The following LEKR1 variants were observed in gnomAD, a reference collection of about 807,000 sequenced individuals.
LEKR1 encodes the protein protein LEKR1.
LEKR1 carries 59 observed loss-of-function variants against 72.4 expected under a neutral mutation model. The observed-to-expected ratio is 0.82, with a 90% CI of 0.66 to 1.01. The LOEUF (loss-of-function observed/expected upper bound fraction) is 1.01. Ranked by LOEUF, LEKR1 falls within the 50% of genes least tolerant of loss-of-function variation. LEKR1 has a pLI of 0.00. For synonymous variants in LEKR1, 257 were observed against 263.2 expected (o/e 0.98, Z 0.23); for missense variants, 728 against 759.2 (o/e 0.96, Z 0.48).
At chr3:156,862,229 T>C (rs1364891239) in intron 3 of LEKR1, among the ~76,000 whole-genome samples, 1 of 152,090 alleles carries the variant, frequency 6.6e-6, no homozygotes, top group African/African-American at 2.4e-5. Flanking sequence ...ATTCTTTTTC[T>C]CCCAAAGCTT....
intron 12 of LEKR1, among the ~76,000 whole-genome samples, chr3:157,031,298 G>A (rs1734590601): frequency 1.3e-5 from 2 of 152,096 alleles, no homozygotes; most frequent in South Asian, 4.1e-4. Context: ...ATAAGACATT[G>A]GGTTGGTATA....
At chr3:156,951,438 C>T (rs978112300) in intron 6 of LEKR1, among the ~76,000 whole-genome samples, 1 of 151,512 alleles carries the variant, frequency 6.6e-6, no homozygotes, top group African/African-American at 2.4e-5. Context: ...AATGGTTCCA[C>T]TTCTTCTTTG....
chr3:156,831,074 G>T (rs1331016681), intron 2 of LEKR1, among the ~76,000 whole-genome samples: 3 of 152,128 alleles, frequency 2.0e-5, no homozygotes, highest in African/African-American at 7.2e-5. Context: ...CCGAAAATTT[G>T]CAGGGTAGGG....
intron 6 of LEKR1, among the ~76,000 whole-genome samples, chr3:156,947,871 CAGTT>C (rs1341804841): frequency 4.0e-5 from 6 of 151,112 alleles, no homozygotes; most frequent in Non-Finnish European, 7.4e-5. Context: ...TATTTGCAGA[CAGTT>C]AGTCTTTCAT....
intron 12 of LEKR1, among the ~76,000 whole-genome samples, chr3:157,044,669 T>C (rs1352496839): frequency 6.6e-6 from 1 of 152,246 alleles, no homozygotes; most frequent in Non-Finnish European, 1.5e-5. Flanking sequence ...CTGTATTCAC[T>C]ACAGCTTCTA....
At chr3:156,983,014 C>T (rs1322058406) in intron 7 of LEKR1, among the ~76,000 whole-genome samples, 1 of 151,920 alleles carries the variant, frequency 6.6e-6, no homozygotes. Context: ...GCATTATGCC[C>T]ATTTTTTAAT....
At chr3:157,006,067 G>A (rs999358810) in intron 9 of LEKR1, among the ~76,000 whole-genome samples, 54 of 151,130 alleles carry the variant, frequency 3.6e-4, no homozygotes, top group African/African-American at 4.9e-4. Flanking sequence ...CTGCAGTGGC[G>A]CAATCTCGGC....
At chr3:156,982,855 G>GTGTGTAGATAGA (rs1373147511) in intron 7 of LEKR1, among the ~76,000 whole-genome samples, 98 of 140,098 alleles carry the variant, frequency 7.0e-4, no homozygotes, top group African/African-American at 2.4e-3. Context: ...GTGTGTGTGT[G>GTGTGTAGATAGA]TAGATAGATA....
chr3:156,827,322 C>T (rs1197709849), intron 1 of LEKR1, among the ~76,000 whole-genome samples: 1 of 152,188 alleles, frequency 6.6e-6, no homozygotes, highest in East Asian at 1.9e-4. Context: ...GTCTCCTTGT[C>T]ACTTTGGGAG....
intron 6 of LEKR1, among the ~76,000 whole-genome samples, chr3:156,955,526 C>T (rs911588796): frequency 6.6e-6 from 1 of 151,920 alleles, no homozygotes; most frequent in Non-Finnish European, 1.5e-5. Flanking sequence ...TCCCTTAATG[C>T]ATAGTTTATT....
chr3:156,849,828 C>A (rs1180220659), intron 2 of LEKR1, among the ~76,000 whole-genome samples: 1 of 152,084 alleles, frequency 6.6e-6, no homozygotes, highest in Non-Finnish European at 1.5e-5. Context: ...TAGGCAATAC[C>A]ATTCAGGACA....
At chr3:157,003,881 T>C (rs771518997) in intron 9 of LEKR1, among the ~76,000 whole-genome samples, 2 of 151,328 alleles carry the variant, frequency 1.3e-5, no homozygotes, top group African/African-American at 4.9e-5. Context: ...AATTGAATCA[T>C]AAAACATGCA....
At chr3:156,960,735 G>T (rs531878735) in intron 6 of LEKR1, among the ~76,000 whole-genome samples, 1 of 152,246 alleles carries the variant, frequency 6.6e-6, no homozygotes, top group Admixed American at 6.5e-5. Context: ...TAGTTTAATA[G>T]TGGTTTAGGA....
At chr3:156,969,965 A>G (rs1173019790) in intron 6 of LEKR1, among the ~76,000 whole-genome samples, 2 of 152,240 alleles carry the variant, frequency 1.3e-5, no homozygotes, top group South Asian at 4.1e-4. Flanking sequence ...AGGCTGGTTC[A>G]ACATATGCAA....
chr3:156,939,505 C>T (rs1380793560), intron 5 of LEKR1, among the ~76,000 whole-genome samples: 5 of 152,136 alleles, frequency 3.3e-5, no homozygotes, highest in East Asian at 3.8e-4. Context: ...ATATATTGCA[C>T]AATATTATTC....
At chr3:157,036,320 T>C (rs1434277869) in intron 12 of LEKR1, among the ~76,000 whole-genome samples, 1 of 151,966 alleles carries the variant, frequency 6.6e-6, no homozygotes, top group East Asian at 1.9e-4. Context: ...AATCAATATT[T>C]GGGTTAGATG....
At chr3:156,899,637 CATATATACACATATATACACGCAT>C (rs1721756940) in intron 3 of LEKR1, among the ~76,000 whole-genome samples, 2 of 119,368 alleles carry the variant, frequency 1.7e-5, no homozygotes, top group Non-Finnish European at 3.3e-5. Context: ...TATATACACG[CATATATACACATATATACACGCAT>C]ATATACACAT....
intron 5 of LEKR1, among the ~76,000 whole-genome samples, chr3:156,927,866 T>TAA (rs1206675624): frequency 6.6e-6 from 1 of 151,992 alleles, no homozygotes; most frequent in African/African-American, 2.4e-5. Context: ...TCTATGTTTT[T>TAA]AAAACTCCTC....
In LEKR1 at chr3:156,899,533, CATATATACATATATACACAT is replaced by C. The variant is rs1560064211; in HGVS notation, c.264-21036_264-21017del. On this transcript the variant is annotated intron_variant, in intron 3 of 12. Transcript: ENST00000356539. ...ATATATACATACATACATATATACA[CATATATACATATATACACAT>C]ATATACATATACATGTATATATACA... Among the ~76,000 whole-genome samples, 22 of 103,772 alleles carry C rather than the reference CATATATACATATATACACAT, an allele frequency of 2.1e-4. 1 individual carries two copies. The highest frequency in any genetic ancestry group is 3.4e-4 in the South Asian group (1 of 2,922). The allele number at this position is 103,772 out of a possible 152,430, so 68.1% of individuals were successfully genotyped here.
Sources: allele counts gnomAD v4.1 joint callset (sites outside exome capture counted in the v4.1 genomes callset), GRCh38; gene constraint gnomAD v4.1.1; transcripts MANE v1.5; gene names NCBI Gene and HGNC (gene_info 2026-07-23, HGNC 2026-07-21).